The following NEGR1 variants were observed in gnomAD, a reference collection of about 807,000 sequenced individuals.
NEGR1 encodes the protein IgLON family member 4.
In NEGR1, 10 loss-of-function variants were observed where a neutral mutation model predicts 40.9. The observed-to-expected ratio is 0.24, with a 90% CI of 0.15 to 0.42. NEGR1 has a LOEUF of 0.42. Among genes scored for constraint, NEGR1 ranks in the 10% least tolerant of loss-of-function variants. The pLI, the probability that NEGR1 is intolerant of heterozygous loss-of-function variation, is 1.00. For missense variants in NEGR1, 352 were observed against 438.9 expected (o/e 0.80, Z 1.77); for synonymous variants, 185 against 166.8 (o/e 1.11, Z -0.84).
intron 1 of NEGR1, among the ~76,000 whole-genome samples, chr1:72,236,644 C>G (rs532141701): frequency 1.3e-5 from 2 of 151,960 alleles, no homozygotes; most frequent in Non-Finnish European, 2.9e-5. Flanking sequence ...AAGGTACTTT[C>G]CATTCTGTAA....
intron 6 of NEGR1, among the ~76,000 whole-genome samples, chr1:71,483,268 G>A (rs747333455): frequency 7.3e-5 from 11 of 151,620 alleles, no homozygotes; most frequent in Non-Finnish European, 1.0e-4. Context: ...GAAATATGAC[G>A]GTATGAGACC....
chr1:72,131,830 C>G (rs1388844017), intron 1 of NEGR1, among the ~76,000 whole-genome samples: 3 of 152,146 alleles, frequency 2.0e-5, no homozygotes, highest in African/African-American at 7.2e-5. Flanking sequence ...AGCGTGGTGG[C>G]TCACACCTGT....
At chr1:72,238,125 C>T (rs944370265) in intron 1 of NEGR1, among the ~76,000 whole-genome samples, 1 of 151,714 alleles carries the variant, frequency 6.6e-6, no homozygotes, top group Admixed American at 6.6e-5. Flanking sequence ...AATATAAAAT[C>T]CCTACCTTTA....
At chr1:72,117,409 C>T (rs1649623960) in intron 1 of NEGR1, among the ~76,000 whole-genome samples, 1 of 151,800 alleles carries the variant, frequency 6.6e-6, no homozygotes, top group African/African-American at 2.4e-5. Context: ...AGTGAATTGT[C>T]TGTTTGAGAA....
At chr1:72,258,413 A>C (rs568174071) in intron 1 of NEGR1, among the ~76,000 whole-genome samples, 8 of 152,288 alleles carry the variant, frequency 5.3e-5, no homozygotes, top group Non-Finnish European at 1.0e-4. Flanking sequence ...AAACCCTAGA[A>C]GGGCATTGTT....
At chr1:72,005,839 C>A (rs750544961) in intron 1 of NEGR1, among the ~76,000 whole-genome samples, 8 of 152,032 alleles carry the variant, frequency 5.3e-5, no homozygotes, top group Non-Finnish European at 8.8e-5. Context: ...CAGTATAAAA[C>A]CACCTATATT....
intron 2 of NEGR1, among the ~76,000 whole-genome samples, chr1:71,806,495 C>T (rs922019808): frequency 6.7e-6 from 1 of 149,056 alleles, no homozygotes; most frequent in South Asian, 2.2e-4. Context: ...TCCTCCTACC[C>T]ACTATTGTAA....
chr1:71,819,602 G>A (rs1433698207), intron 2 of NEGR1, among the ~76,000 whole-genome samples: 2 of 151,842 alleles, frequency 1.3e-5, no homozygotes, highest in African/African-American at 2.4e-5. Context: ...AGAACAAAGA[G>A]ATAGAAAAGA....
intron 1 of NEGR1, among the ~76,000 whole-genome samples, chr1:72,181,098 C>G (rs1299650919): frequency 2.0e-5 from 3 of 152,038 alleles, no homozygotes; most frequent in Non-Finnish European, 2.9e-5. Context: ...CACACTAGAA[C>G]CATAGGCATT....
chr1:71,530,528 A>G (rs1254940988), intron 6 of NEGR1, among the ~76,000 whole-genome samples: 1 of 151,362 alleles, frequency 6.6e-6, no homozygotes, highest in Non-Finnish European at 1.5e-5. Context: ...CAAATTCACA[A>G]TTAATGAAGG....
intron 1 of NEGR1, among the ~76,000 whole-genome samples, chr1:72,118,127 A>G (rs1005134845): frequency 4.0e-5 from 6 of 151,870 alleles, no homozygotes; most frequent in African/African-American, 1.4e-4. Context: ...GTGTCCCACT[A>G]TAACACTGAG....
At chr1:71,456,703 A>G (rs1646675364) in intron 6 of NEGR1, among the ~76,000 whole-genome samples, 1 of 152,208 alleles carries the variant, frequency 6.6e-6, no homozygotes, top group Admixed American at 6.5e-5. Context: ...AAAAAATTCC[A>G]CTAATTTCTC....
chr1:71,781,159 T>G (rs567804883), intron 2 of NEGR1, among the ~76,000 whole-genome samples: 6 of 152,240 alleles, frequency 3.9e-5, no homozygotes, highest in African/African-American at 1.4e-4. Flanking sequence ...TTCATCATGC[T>G]GCCTGCAACA....
At chr1:72,267,812 T>C (rs72942921) in intron 1 of NEGR1, among the ~76,000 whole-genome samples, 197 of 151,230 alleles carry the variant, frequency 1.3e-3, no homozygotes, top group African/African-American at 4.4e-3. Flanking sequence ...CGTAGTATAG[T>C]AGGAGAAACA....
At chr1:72,179,091 A>C (rs1340536844) in intron 1 of NEGR1, among the ~76,000 whole-genome samples, 1 of 152,008 alleles carries the variant, frequency 6.6e-6, no homozygotes. Context: ...GCTGATGTCC[A>C]GAATGGTATT....
At chr1:72,073,334 G>A (rs1647555471) in intron 1 of NEGR1, among the ~76,000 whole-genome samples, 1 of 152,088 alleles carries the variant, frequency 6.6e-6, no homozygotes, top group Admixed American at 6.6e-5. Context: ...AGGAGTTAGA[G>A]GAGTATGTTT....
At chr1:71,975,456 CTG>C (rs1395781470) in intron 1 of NEGR1, among the ~76,000 whole-genome samples, 1 of 152,178 alleles carries the variant, frequency 6.6e-6, no homozygotes, top group Non-Finnish European at 1.5e-5. Context: ...TGGACTCAAA[CTG>C]GAGCTCTGCC....
chr1:71,912,946 T>C (rs892174072), intron 2 of NEGR1, among the ~76,000 whole-genome samples: 5 of 152,138 alleles, frequency 3.3e-5, no homozygotes, highest in African/African-American at 1.2e-4. Flanking sequence ...TATCTGACAT[T>C]TTTAGCACTA....
At chr1:71,525,182 G>C (rs1167318339) in intron 6 of NEGR1, among the ~76,000 whole-genome samples, 2 of 151,726 alleles carry the variant, frequency 1.3e-5, no homozygotes, top group African/African-American at 4.8e-5. Flanking sequence ...CTAAGTGCAA[G>C]GCACAATCAC....
Sources: gnomAD v4.1 joint callset for allele counts (sites outside exome capture counted in the v4.1 genomes callset) on GRCh38, gnomAD v4.1.1 for gene constraint, MANE v1.5 for transcripts, NCBI Gene and HGNC (gene_info 2026-07-23, HGNC 2026-07-21) for gene names.